Variants in NLK observed in about 807,000 individuals in gnomAD.
NLK encodes nemo like kinase.
In NLK, 11 loss-of-function variants were observed where a neutral mutation model predicts 59.0. The observed-to-expected ratio is 0.19, with a 90% CI of 0.12 to 0.31. NLK has a LOEUF of 0.31. Among genes scored for constraint, NLK ranks in the 10% least tolerant of loss-of-function variants. The probability of loss-of-function intolerance (pLI) is 1.00; values close to 1 mark genes in which losing one functional copy is unlikely to be tolerated. For missense variants in NLK, 410 were observed against 661.1 expected (o/e 0.62, Z 4.16); for synonymous variants, 235 against 235.9 (o/e 1.00, Z 0.03).
chr17:28,186,850 T>A (rs960078561), intron 8 of NLK, among the ~76,000 whole-genome samples: 1 of 152,178 alleles, frequency 6.6e-6, no homozygotes, highest in African/African-American at 2.4e-5. Context: ...AAGTGCTTAG[T>A]GATACTATAA....
downstream of NLK, among the ~76,000 whole-genome samples, chr17:28,196,986 G>A (rs1231454287): frequency 4.6e-5 from 7 of 151,998 alleles, no homozygotes; most frequent in East Asian, 1.3e-3. Flanking sequence ...CTGACATTGA[G>A]GCAGTTGACT....
At chr17:28,115,763 G>T in intron 1 of NLK, among the ~76,000 whole-genome samples, 1 of 151,744 alleles carries the variant, frequency 6.6e-6, no homozygotes, top group Non-Finnish European at 1.5e-5. Flanking sequence ...CTTTAATTTT[G>T]CTCTGTAATA....
chr17:28,127,232 CTT>C (rs1244032074), intron 2 of NLK, among the ~76,000 whole-genome samples: 6 of 152,230 alleles, frequency 3.9e-5, no homozygotes, highest in South Asian at 2.1e-4. Context: ...TGATCTCTCT[CTT>C]GGGGTTACTT....
At chr17:28,199,665 CAAA>C (rs1303411168), downstream of NLK, among the ~76,000 whole-genome samples, 529 of 33,496 alleles carry the variant, frequency 0.016, no homozygotes, top group African/African-American at 0.057. Flanking sequence ...GACTCTGTCT[CAAA>C]AAAAAAAAAA....
At chr17:28,136,235 A>G (rs1195761336) in intron 3 of NLK, among the ~76,000 whole-genome samples, 7 of 152,230 alleles carry the variant, frequency 4.6e-5, no homozygotes, top group African/African-American at 1.7e-4. Flanking sequence ...CTCTCACAGT[A>G]ATTAGCTGAC....
At position 28,075,501 on chromosome 17, in the gene NLK, G is replaced by T. The variant is rs944273284; in HGVS notation, c.458+32170G>T. Among the ~76,000 whole-genome samples, 9 of 152,190 alleles carry T rather than the reference G, an allele frequency of 5.9e-5. 1 individual carries two copies. Among genetic ancestry groups the T allele is most frequent in the African/African-American group, 1.7e-4 (7 of 41,454 alleles). On this transcript the variant is annotated intron_variant, in intron 1 of 10. Coordinates refer to ENST00000407008, the MANE Select transcript of NLK (RefSeq NM_016231.5). The stretch of plus-strand genomic sequence containing the variant: ...ATTGCTTAGACAACATCTCTGTACA[G>T]TTTGTGCCTCAGGTTCATCTCTGTT...
chr17:28,176,088 A>C (rs931663998), intron 7 of NLK, among the ~76,000 whole-genome samples: 6 of 152,214 alleles, frequency 3.9e-5, no homozygotes, highest in African/African-American at 1.4e-4. Context: ...AACACTTTAC[A>C]TGAAATAAAA....
At chr17:28,139,221 C>G (rs1030109122) in intron 3 of NLK, among the ~76,000 whole-genome samples, 6 of 152,094 alleles carry the variant, frequency 3.9e-5, no homozygotes, top group African/African-American at 1.4e-4. Context: ...TGCACTTCAG[C>G]CTGGGTGACA....
At chr17:28,175,473 G>A (rs568602150) in intron 7 of NLK, among the ~76,000 whole-genome samples, 3 of 151,930 alleles carry the variant, frequency 2.0e-5, no homozygotes, top group African/African-American at 4.8e-5. Context: ...AAATAGTGTA[G>A]TGTCAATCTC....
chr17:28,044,204 A>G (rs1597648483), intron 1 of NLK, among the ~76,000 whole-genome samples: 1 of 152,334 alleles, frequency 6.6e-6, no homozygotes, highest in East Asian at 1.9e-4. Flanking sequence ...ATAATAAAAT[A>G]TGTTTGTTCC....
At chr17:28,162,153 C>G (rs1288625128) in intron 4 of NLK, among the ~76,000 whole-genome samples, 1 of 151,932 alleles carries the variant, frequency 6.6e-6, no homozygotes, top group Non-Finnish European at 1.5e-5. Flanking sequence ...GTAGCTGGGA[C>G]TACAGGTGCC....
At chr17:28,082,680 T>C (rs143095965) in intron 1 of NLK, among the ~76,000 whole-genome samples, 25 of 152,362 alleles carry the variant, frequency 1.6e-4, no homozygotes, top group Non-Finnish European at 3.4e-4. Context: ...TGTTGACCTC[T>C]AAAGTTGATG....
At position 28,098,574 on chromosome 17, in the gene NLK, A is replaced by T. The variant is rs190463114; in HGVS notation, c.459-24029A>T. Among the ~76,000 whole-genome samples the T allele has an allele frequency of 2.2e-4, 34 of 151,840 alleles. No homozygotes were observed. The East Asian group carries it at 6.6e-3, about 29-fold the overall frequency. On this transcript the variant is annotated intron_variant, in intron 1 of 10. Coordinates refer to ENST00000407008, the MANE Select transcript of NLK (RefSeq NM_016231.5). ...GTATATTATTGGCCACATCATTTTA[A>T]TTGGATGGATATTTCATTATTTAAC...
At chr17:28,185,444 A>G (rs929367577) in intron 8 of NLK, among the ~76,000 whole-genome samples, 179 bp downstream of exon 8, 1 of 152,236 alleles carries the variant, frequency 6.6e-6, no homozygotes, top group Non-Finnish European at 1.5e-5. Flanking sequence ...TTATTAACAC[A>G]TAAGAGTCTA....
chr17:28,117,861 G>A (rs186070071), intron 1 of NLK, among the ~76,000 whole-genome samples: 2 of 152,224 alleles, frequency 1.3e-5, no homozygotes, highest in Admixed American at 6.5e-5. Flanking sequence ...TTTATGTTTT[G>A]GATGGGGGAA....
intron 3 of NLK, among the ~76,000 whole-genome samples, chr17:28,144,164 TTC>T (rs1285292292): frequency 6.6e-6 from 1 of 152,176 alleles, no homozygotes; most frequent in African/African-American, 2.4e-5. Context: ...ACCACTCCCC[TTC>T]CTATGCCATG....
At chr17:28,171,324 G>C (rs955139455) in intron 6 of NLK, 2 of 152,178 alleles carry the variant, frequency 1.3e-5, no homozygotes, top group African/African-American at 4.8e-5. Flanking sequence ...CCAGAACCAG[G>C]AAAAGAAGTG....
chr17:28,197,502 T>G (rs1909513668), downstream of NLK, among the ~76,000 whole-genome samples: 1 of 151,902 alleles, frequency 6.6e-6, no homozygotes, highest in African/African-American at 2.4e-5. Context: ...TAAATTCCTT[T>G]ACAGATAAGT....
rs35681906 is a variant in NLK at position 28,171,981 on chromosome 17, A to G, written c.1048-536A>G. Among the ~76,000 whole-genome samples the G allele has an allele frequency of 6.6e-3, 1,001 of 151,836 alleles. 17 individuals carry two copies. Among genetic ancestry groups the G allele is most frequent in the African/African-American group, 0.022 (932 of 41,470 alleles). On this transcript the variant is annotated intron_variant, in intron 6 of 10. Coordinates refer to ENST00000407008, the MANE Select transcript of NLK (RefSeq NM_016231.5). ...AGGATAAATAGGAACTAAATAATAG[A>G]ATAAATAGGAATAGGATAAATAGAA...
Sources: gnomAD v4.1 joint callset for allele counts (sites outside exome capture counted in the v4.1 genomes callset) on GRCh38, gnomAD v4.1.1 for gene constraint, MANE v1.5 for transcripts, NCBI Gene and HGNC (gene_info 2026-07-23, HGNC 2026-07-21) for gene names.